Variants in DLGAP2 observed in about 807,000 individuals in gnomAD.
DLGAP2 encodes the protein disks large-associated protein 2.
A neutral mutation model predicts 100.3 loss-of-function variants in DLGAP2; 26 were observed. The ratio of observed to expected loss-of-function variants is 0.26; its 90% CI spans 0.19 to 0.36. The LOEUF (loss-of-function observed/expected upper bound fraction) is 0.36. Among genes scored for constraint, DLGAP2 ranks in the 10% least tolerant of loss-of-function variants. The probability of loss-of-function intolerance (pLI) is 1.00; values close to 1 mark genes in which losing one functional copy is unlikely to be tolerated. For missense variants in DLGAP2, 1,858 were observed against 1,453.2 expected, an observed-to-expected ratio of 1.28 and a Z score of -4.53; for synonymous variants, 886 against 630.1, an observed-to-expected ratio of 1.41 and a Z score of -6.08.
chr8:1,501,804 A>G (rs1323489918), intron 4 of DLGAP2, among the ~76,000 whole-genome samples: 1 of 152,158 alleles, frequency 6.6e-6, no homozygotes, highest in Non-Finnish European at 1.5e-5. Flanking sequence ...CCTTGGCAGG[A>G]AGCAGCTCAT....
intron 3 of DLGAP2, among the ~76,000 whole-genome samples, chr8:1,429,845 C>G (rs1403776707): frequency 6.6e-6 from 1 of 150,696 alleles, no homozygotes; most frequent in Admixed American, 6.6e-5. Flanking sequence ...CAGTATTCAT[C>G]TGATTTGTCC....
intron 3 of DLGAP2, among the ~76,000 whole-genome samples, chr8:1,439,711 G>T (rs1370334359): frequency 6.6e-6 from 1 of 151,948 alleles, no homozygotes; most frequent in African/African-American, 2.4e-5. Flanking sequence ...CCTTCTTCCC[G>T]CCATCCCCTA....
At chr8:1,154,855 C>T (rs76785183) in intron 2 of DLGAP2, among the ~76,000 whole-genome samples, 1 of 152,204 alleles carries the variant, frequency 6.6e-6, no homozygotes, top group African/African-American at 2.4e-5. Context: ...TTTCAGCTGC[C>T]GCTCTGCTCT....
At chr8:1,299,875 C>G (rs1001762534) in intron 3 of DLGAP2, 1 of 152,186 alleles carries the variant, frequency 6.6e-6, no homozygotes, top group Non-Finnish European at 1.5e-5. Flanking sequence ...ACTCCCACAA[C>G]AAAACACCAT....
At chr8:1,588,097 C>G (rs912428684) in intron 6 of DLGAP2, among the ~76,000 whole-genome samples, 1 of 152,128 alleles carries the variant, frequency 6.6e-6, no homozygotes, top group Admixed American at 6.5e-5. Flanking sequence ...GAAGAGTGTT[C>G]AGAACAACCA....
In DLGAP2 at chr8:1,464,364, A is replaced by G. The variant is rs956371531; in HGVS notation, c.107-37002A>G. Among the ~76,000 whole-genome samples, 591 of 62,016 alleles carry G rather than the reference A, an allele frequency of 9.5e-3. 43 individuals are homozygous for G. The highest frequency in any genetic ancestry group is 0.029 in the East Asian group (23 of 780). The allele number at this position is 62,016 out of a possible 152,430, so 40.7% of individuals were successfully genotyped here. A position where few individuals can be genotyped will look rare whatever the true frequency, so the allele number is the denominator to read the frequency against. On this transcript the variant is annotated intron_variant, in intron 3 of 14. Coordinates refer to ENST00000637795, the MANE Select transcript of DLGAP2 (RefSeq NM_001346810.2). ...TTCCAGGACGGCACCCTTCCAGGAC[A>G]ACGCCCTTCCAGGATGGCACCCTTC...
chr8:1,087,939 C>G (rs79709816), intron 2 of DLGAP2, among the ~76,000 whole-genome samples: 1 of 152,202 alleles, frequency 6.6e-6, no homozygotes, highest in African/African-American at 2.4e-5. Flanking sequence ...GCCCTCAGGG[C>G]ACAATGTCAG....
chr8:1,116,930 G>T (rs949336357), intron 2 of DLGAP2, among the ~76,000 whole-genome samples: 3 of 152,194 alleles, frequency 2.0e-5, no homozygotes, highest in African/African-American at 7.2e-5. Flanking sequence ...AACCTCTTCC[G>T]CAGCCAACAG....
At chr8:1,350,452 G>A (rs370737117) in intron 3 of DLGAP2, among the ~76,000 whole-genome samples, 1 of 86,416 alleles carries the variant, frequency 1.2e-5, no homozygotes, top group Non-Finnish European at 2.3e-5. Context: ...GCGTGGAAAG[G>A]CCGTGCGGGT....
chr8:1,121,678 C>G (rs933835000), intron 2 of DLGAP2, among the ~76,000 whole-genome samples: 2 of 151,948 alleles, frequency 1.3e-5, no homozygotes, highest in African/African-American at 4.8e-5. Context: ...CCCCTGACCA[C>G]CCAACCTCAT....
At chr8:867,154 G>A (rs1271850654) in intron 1 of DLGAP2, among the ~76,000 whole-genome samples, 4 of 152,186 alleles carry the variant, frequency 2.6e-5, no homozygotes, top group African/African-American at 7.2e-5. Flanking sequence ...GTTCAGACAC[G>A]GAGTTCGTAA....
At chr8:1,660,648 C>G (rs1372759739) in intron 8 of DLGAP2, among the ~76,000 whole-genome samples, 2 of 152,116 alleles carry the variant, frequency 1.3e-5, no homozygotes, top group African/African-American at 4.8e-5. Context: ...TCTATTAAAA[C>G]TATGTGTTGG....
At chr8:1,223,256 C>G (rs1386556047) in intron 2 of DLGAP2, among the ~76,000 whole-genome samples, 1 of 152,172 alleles carries the variant, frequency 6.6e-6, no homozygotes, top group African/African-American at 2.4e-5. Context: ...GATCTGTGTC[C>G]TCACTGTCCA....
At chr8:953,001 C>T (rs1168162024) in intron 2 of DLGAP2, among the ~76,000 whole-genome samples, 3 of 152,134 alleles carry the variant, frequency 2.0e-5, no homozygotes, top group Admixed American at 6.5e-5. Flanking sequence ...TAGCATCATG[C>T]ACTGGTCATT....
intron 3 of DLGAP2, among the ~76,000 whole-genome samples, chr8:1,290,888 T>C (rs1259753183): frequency 2.6e-5 from 4 of 152,226 alleles, no homozygotes; most frequent in Non-Finnish European, 4.4e-5. Context: ...ACATGAAATT[T>C]ACTACTGAAC....
chr8:758,994 C>A (rs1347459515), intron 1 of DLGAP2, among the ~76,000 whole-genome samples: 3 of 151,102 alleles, frequency 2.0e-5, no homozygotes, highest in Admixed American at 2.0e-4. Context: ...ATTATCAATA[C>A]CCCCAACAGC....
At chr8:948,157 G>C (rs1799379779) in intron 2 of DLGAP2, among the ~76,000 whole-genome samples, 2 of 152,230 alleles carry the variant, frequency 1.3e-5, no homozygotes, top group South Asian at 4.1e-4. Context: ...CCAGCTGTGG[G>C]CGTCCTGAAC....
At chr8:982,923 C>T (rs111653283) in intron 2 of DLGAP2, among the ~76,000 whole-genome samples, 1,285 of 126,300 alleles carry the variant, frequency 0.01, 21 homozygotes, top group African/African-American at 0.036. Flanking sequence ...CTGATCCCTT[C>T]GTGGGTTTTT....
chr8:1,515,597 C>G (rs1270877108), intron 4 of DLGAP2, among the ~76,000 whole-genome samples: 3 of 152,180 alleles, frequency 2.0e-5, no homozygotes, highest in South Asian at 4.1e-4. Flanking sequence ...CAAAAATATG[C>G]AGACACACGT....
Sources: allele counts gnomAD v4.1 joint callset (sites outside exome capture counted in the v4.1 genomes callset), GRCh38; gene constraint gnomAD v4.1.1; transcripts MANE v1.5; gene names NCBI Gene and HGNC (gene_info 2026-07-23, HGNC 2026-07-21).